Variants in NYX observed in about 807,000 individuals in gnomAD.
The protein encoded by NYX is leucine-rich repeat protein.
For synonymous variants in NYX, 258 were observed against 245.7 expected (o/e 1.05, Z -0.47); for missense variants, 481 against 485.4 (o/e 0.99, Z 0.09).
intron 2 of NYX, among the ~76,000 whole-genome samples, chrX:41,470,842 T>C (rs1346238817): frequency 9.0e-6 from 1 of 110,927 alleles, no homozygotes; most frequent in African/African-American, 3.3e-5. Flanking sequence ...GTGGCTACTG[T>C]ATTGGGCAGC....
chrX:41,450,978 G>A (rs766727318), intron 2 of NYX, among the ~76,000 whole-genome samples: 2 of 106,117 alleles, frequency 1.9e-5, no homozygotes, highest in Admixed American at 2.0e-4. Flanking sequence ...GAGCCACCAC[G>A]CCCAGCCATA....
At chrX:41,463,086 C>T (rs2064325882) in intron 2 of NYX, among the ~76,000 whole-genome samples, 2 of 111,459 alleles carry the variant, frequency 1.8e-5, no homozygotes, top group Non-Finnish European at 3.8e-5. Flanking sequence ...TGTGTTATCT[C>T]CACGAAGCTT....
chrX:41,471,779 CT>C (rs1454304084), intron 2 of NYX, among the ~76,000 whole-genome samples: 1 of 108,030 alleles, frequency 9.3e-6, no homozygotes, highest in Non-Finnish European at 1.9e-5. Flanking sequence ...TCTTGGTGGG[CT>C]TTTGTTACCT....
intron 2 of NYX, among the ~76,000 whole-genome samples, chrX:41,454,764 G>T (rs866110034): frequency 9.0e-6 from 1 of 110,785 alleles, no homozygotes; most frequent in Admixed American, 9.7e-5. Context: ...GCATCACCAC[G>T]CCTGGCTAAT....
chrX:41,467,791 GGGACTA>G (rs2064346062), intron 2 of NYX, among the ~76,000 whole-genome samples: 1 of 110,816 alleles, frequency 9.0e-6, no homozygotes, highest in South Asian at 3.8e-4. Flanking sequence ...CTGAGTAGCT[GGGACTA>G]CAGGTGCACA....
chrX:41,464,670 C>CGTGTGTGT (rs768617215), intron 2 of NYX, among the ~76,000 whole-genome samples: 1,156 of 101,806 alleles, frequency 0.011, 8 homozygotes, highest in Middle Eastern at 0.04. Context: ...ATGGGCCGTG[C>CGTGTGTGT]GTGTGTGTGT....
intron 2 of NYX, among the ~76,000 whole-genome samples, chrX:41,449,011 G>A (rs972197930): frequency 3.6e-5 from 4 of 111,887 alleles, no homozygotes; most frequent in Non-Finnish European, 7.5e-5. Context: ...AAAGTTTCTC[G>A]CTCTGTTATG....
At position 41,473,538 on chromosome X, in the gene NYX, C is replaced by G. The variant is rs777165066; in HGVS notation, c.70C>G (p.Arg24Gly). ...CGCCTGGGCCGTGGGGGCCTGCGCC[C>G]GCGCTTGTCCCGCCGCCTGCGCCTG... ...PSAWAVGACA[R>G]ACPAACACST... The change falls in exon 3 of 3, where the codon CGC (arginine) becomes GGC (glycine). Residue 24 changes from arginine to glycine, a missense_variant. Transcript: ENST00000378220. The G allele has an allele frequency of 1.0e-6, 1 of 1,001,895 alleles. No individual in the cohort carries two copies. The highest frequency in any genetic ancestry group is 2.9e-5 in the South Asian group (1 of 34,940). The allele number at this position is 1,001,895 out of a possible 1,213,427, so 82.6% of individuals were successfully genotyped here. A position where few individuals can be genotyped will look rare whatever the true frequency, so the allele number is the denominator to read the frequency against.
chrX:41,463,422 CTTT>C (rs58958947), intron 2 of NYX, among the ~76,000 whole-genome samples: 27 of 95,962 alleles, frequency 2.8e-4, no homozygotes, highest in Non-Finnish European at 4.1e-4. Context: ...ATAGTAGTCT[CTTT>C]TTTTTTTTTT....
At chrX:41,460,913 G>C (rs1188942531) in intron 2 of NYX, among the ~76,000 whole-genome samples, 5 of 70,809 alleles carry the variant, frequency 7.1e-5, no homozygotes, top group Admixed American at 4.3e-4. Flanking sequence ...TTTTGGTCTG[G>C]CTCCTTTCAC....
At chrX:41,454,975 G>GC (rs1345989883) in intron 2 of NYX, among the ~76,000 whole-genome samples, 111 of 111,582 alleles carry the variant, frequency 9.9e-4, no homozygotes, top group African/African-American at 3.3e-3. Flanking sequence ...GTTCATAAGA[G>GC]CCCACAACTA....
intron 2 of NYX, among the ~76,000 whole-genome samples, chrX:41,450,938 G>C (rs1400317643): frequency 9.8e-6 from 1 of 102,107 alleles, no homozygotes; most frequent in Non-Finnish European, 2.0e-5. Context: ...TGCCCACCTC[G>C]GCCTCCCAAA....
In NYX at chrX:41,471,179, T is replaced by A. The variant is rs180894814; in HGVS notation, c.23-2312T>A. 5.8e-3 allele frequency among the ~76,000 whole-genome samples: 645 copies of A among 111,594 alleles called. 6 individuals carry two copies. Among genetic ancestry groups the A allele is most frequent in the African/African-American group, 0.02 (610 of 30,760 alleles). On this transcript the variant is annotated intron_variant, in intron 2 of 2. Coordinates refer to ENST00000378220, the MANE Select transcript of NYX (RefSeq NM_001378477.3). Reference sequence around the variant, plus strand: ...CAGGCTGGAGTGCAATGGCACTATCTCAGCTCACTGCAACCTCCGCTTTCT... The same window carrying A: ...CAGGCTGGAGTGCAATGGCACTATCACAGCTCACTGCAACCTCCGCTTTCT...
At chrX:41,453,459 C>CTTT (rs765178661) in intron 2 of NYX, among the ~76,000 whole-genome samples, 4 of 102,123 alleles carry the variant, frequency 3.9e-5, no homozygotes, top group Non-Finnish European at 6.0e-5. Context: ...TCTTCTTCTT[C>CTTT]TTTTTTTTTT....
At chrX:41,465,241 C>A (rs2807164) in intron 2 of NYX, among the ~76,000 whole-genome samples, 35,075 of 108,276 alleles carry the variant, frequency 0.32, 4,914 homozygotes, top group African/African-American at 0.49. Flanking sequence ...CTTCACATGT[C>A]TACTAGTATT....
chrX:41,449,890 A>G (rs1354640382), intron 2 of NYX, among the ~76,000 whole-genome samples: 2 of 111,634 alleles, frequency 1.8e-5, no homozygotes, highest in African/African-American at 6.5e-5. Context: ...CACAGAGAAT[A>G]TTTCTCTGAC....
At chrX:41,467,772 C>T (rs3013119) in intron 2 of NYX, among the ~76,000 whole-genome samples, 30,993 of 109,206 alleles carry the variant, frequency 0.28, 3,580 homozygotes, top group South Asian at 0.59. Flanking sequence ...ATCTTCCTGC[C>T]TCAGCCTCCT....
At position 41,453,459 on chromosome X, in the gene NYX, C is replaced by CT. The variant is rs765178661; in HGVS notation, c.22+5547dup. Among the ~76,000 whole-genome samples, 129 of 102,060 alleles carry CT rather than the reference C, an allele frequency of 1.3e-3. 1 individual carries two copies. Among genetic ancestry groups the CT allele is most frequent in the East Asian group, 4.5e-3 (15 of 3,308 alleles). The allele number at this position is 102,060 out of a possible 115,157, so 88.6% of individuals were successfully genotyped here. The stretch of plus-strand genomic sequence containing the variant: ...ACTATCTTATTTTCTTCTTCTTCTT[C>CT]TTTTTTTTTTTTTTGAGATAGAGTC... On this transcript the variant is annotated intron_variant, in intron 2 of 2. Transcript: ENST00000378220.
In NYX at chrX:41,474,761, G is replaced by A. The variant is rs1201297131; in HGVS notation, c.1293G>A (p.Gly431=). 8.4e-7 allele frequency: 1 copy of A among 1,191,750 alleles called. No individual in the cohort carries two copies. The highest frequency in any genetic ancestry group is 1.1e-6 in the Non-Finnish European group (1 of 886,666). The part of the protein sequence containing the change: ...PVEEAANTTG[G]LANASLSDSL... The stretch of plus-strand genomic sequence containing the variant: ...AGGAGGCGGCCAACACCACTGGGGG[G>A]CTGGCCAACGCCTCCCTGTCCGACA... The change falls in exon 3 of 3, where the codon GGG becomes GGA. Residue 431 remains glycine, a synonymous_variant. Transcript: ENST00000378220.
Sources: gnomAD v4.1 joint callset for allele counts (sites outside exome capture counted in the v4.1 genomes callset) on GRCh38, gnomAD v4.1.1 for gene constraint, MANE v1.5 for transcripts, NCBI Gene and HGNC (gene_info 2026-07-23, HGNC 2026-07-21) for gene names.